The following ASH1L variants were observed in gnomAD, a reference collection of about 807,000 sequenced individuals.
The protein encoded by ASH1L is histone-lysine N-methyltransferase ASH1L.
In ASH1L, 23 loss-of-function variants were observed where a neutral mutation model predicts 269.0. The ratio of observed to expected loss-of-function variants is 0.09; its 90% CI spans 0.06 to 0.12. The LOEUF is 0.12. Among genes scored for constraint, ASH1L ranks in the 10% least tolerant of loss-of-function variants. The probability of loss-of-function intolerance (pLI) is 1.00; values close to 1 mark genes in which losing one functional copy is unlikely to be tolerated. For synonymous variants in ASH1L, 1,187 were observed against 1,253.5 expected (o/e 0.95, Z 1.12); for missense variants, 2,912 against 3,567.8 (o/e 0.82, Z 4.68).
Position 155,338,042 on chromosome 1 carries a change from A to T in ASH1L, c.8803+47T>A, listed in dbSNP as rs1336974992. 2.6e-6 allele frequency: 4 copies of T among 1,563,990 alleles called. No homozygotes were observed. In the African/African-American group the frequency reaches 4.1e-5, roughly 16 times the overall value. On this transcript the variant is annotated intron_variant, in intron 27 of 27. Transcript: ENST00000392403. ...TTACAATTTTTTTCCATTCCCTCTC[A>T]TTTCGCATTTATCTTAAACCCTAGA...
Position 155,479,253 on chromosome 1 carries a change from T to C in ASH1L, c.3617A>G (p.Asp1206Gly). 6.2e-7 allele frequency: 1 copy of C among 1,614,156 alleles called. No homozygotes were observed. The highest frequency in any genetic ancestry group is 8.5e-7 in the Non-Finnish European group (1 of 1,180,018). Reference protein sequence around the residue: ...TIPSDSGIGTDNNSTSDRAEK... With the variant: ...TIPSDSGIGTGNNSTSDRAEK... ...TGCCCTGTCTGATGTGCTGTTATTATCTGTTCCAATTCCACTATCACTGGG... is the reference window on the plus strand; with the variant it reads ...TGCCCTGTCTGATGTGCTGTTATTACCTGTTCCAATTCCACTATCACTGGG... Residue 1206 changes from aspartate to glycine, a missense_variant, in exon 3 of 28, where the codon GAT becomes GGT. By Grantham distance (94) the Asp-to-Gly change is moderately conservative. Transcript: ENST00000392403.
chr1:155,406,305 A>T (rs567113102), intron 6 of ASH1L, among the ~76,000 whole-genome samples: 5 of 152,020 alleles, frequency 3.3e-5, no homozygotes, highest in Non-Finnish European at 7.4e-5. Flanking sequence ...AGCTGATCCT[A>T]AAAAATCACA....
Position 155,335,855 on chromosome 1 carries a change from G to A in ASH1L, c.*1805C>T, listed in dbSNP as rs950033817. The A allele has an allele frequency of 6.6e-5, 10 of 151,330 alleles. No individual in the cohort carries two copies. Among genetic ancestry groups the A allele is most frequent in the East Asian group, 1.9e-4 (1 of 5,306 alleles). 9.4% of individuals were successfully genotyped at this position (151,330 alleles called of 1,614,324 possible). A position where few individuals can be genotyped will look rare whatever the true frequency, so the allele number is the denominator to read the frequency against. ...TCTTTCTTGTCATTTTCTCGCTTTT[G>A]ACTAAAAGGAGACCCCCAAAGTGCC... On this transcript the variant is annotated 3_prime_UTR_variant, in exon 28 of 28. Coordinates refer to ENST00000392403, the MANE Select transcript of ASH1L (RefSeq NM_018489.3).
At chr1:155,433,254 C>A (rs541252448) in intron 5 of ASH1L, 17 of 1,553,774 alleles carry the variant, frequency 1.1e-5, no homozygotes, top group Non-Finnish European at 1.5e-5. Context: ...CCAGGGGGGC[C>A]GGAGCCGGGC....
At chr1:155,392,979 C>T (rs929011419) in intron 7 of ASH1L, among the ~76,000 whole-genome samples, 5 of 151,998 alleles carry the variant, frequency 3.3e-5, no homozygotes, top group South Asian at 2.1e-4. Context: ...TGAGCCACCG[C>T]GTCCAGCCTT....
chr1:155,444,068 C>G (rs1662808158), intron 4 of ASH1L, among the ~76,000 whole-genome samples: 1 of 147,756 alleles, frequency 6.8e-6, no homozygotes, highest in Non-Finnish European at 1.5e-5. Context: ...ACTGCAACCT[C>G]TGCCTCCCGG....
chr1:155,348,305 T>A (rs1653547857), intron 19 of ASH1L, among the ~76,000 whole-genome samples: 1 of 152,160 alleles, frequency 6.6e-6, no homozygotes, highest in African/African-American at 2.4e-5. Flanking sequence ...TGGGTTTCAG[T>A]AGGAAGAATG....
chr1:155,479,357 A>C lies in ASH1L; in HGVS notation c.3513T>G (p.Pro1171=), dbSNP rs778166962. 1.4e-5 allele frequency: 22 copies of C among 1,614,048 alleles called. No homozygotes were observed. The highest frequency in any genetic ancestry group is 1.9e-5 in the Non-Finnish European group (22 of 1,180,040). ...LSPPTLLPNS[P]SHLSELTSLK... ...GAGATGTGAGTTCACTCAAGTGCGA[A>C]GGAGAATTTGGCAACAAAGTAGGAG... The change falls in exon 3 of 28, where the codon CCT becomes CCG. Residue 1171 remains proline, a synonymous_variant. Coordinates refer to ENST00000392403, the MANE Select transcript of ASH1L (RefSeq NM_018489.3).
At chr1:155,490,301 A>G (rs1157969229) in intron 2 of ASH1L, among the ~76,000 whole-genome samples, 1 of 151,876 alleles carries the variant, frequency 6.6e-6, no homozygotes, top group Non-Finnish European at 1.5e-5. Context: ...AGTATGTAAG[A>G]TGTCACAACC....
At position 155,370,627 on chromosome 1, in the gene ASH1L, T is replaced by C. The variant is rs762852457; in HGVS notation, c.6563A>G (p.His2188Arg). 3.7e-6 allele frequency: 6 copies of C among 1,614,218 alleles called. No homozygotes were observed. The highest frequency in any genetic ancestry group is 4.2e-6 in the Non-Finnish European group (5 of 1,180,040). The change falls in exon 12 of 28, where the codon CAT (histidine) becomes CGT (arginine). Residue 2188 changes from histidine to arginine, a missense_variant. Physicochemically the swap from His to Arg is conservative, Grantham distance 29. This residue lies in a region of ASH1L where 193 missense variants were observed against 311.6 expected (regional missense o/e 0.62). Coordinates refer to ENST00000392403, the MANE Select transcript of ASH1L (RefSeq NM_018489.3). ...CAGGCAGTAGTGGTCACTGTGATTA[T>C]GATACTGCTCAATCATCCTGTTCCT... ...EFRNRMIEQY[H>R]NHSDHYCLNL...
chr1:155,478,853 G>C lies in ASH1L; in HGVS notation c.4017C>G (p.His1339Gln). The change falls in exon 3 of 28, where the codon CAC becomes CAG. Residue 1339 changes from histidine to glutamine, a missense_variant. His to Gln is a conservative substitution (Grantham distance 24, BLOSUM62 0). This residue lies in a region of ASH1L where 789 missense variants were observed against 897.6 expected (regional missense o/e 0.88). Coordinates refer to ENST00000392403, the MANE Select transcript of ASH1L (RefSeq NM_018489.3). This position sits in a 1 kb window ranked among gnomAD's most constrained non-coding sequence, Gnocchi z 4.6. The stretch of plus-strand genomic sequence containing the variant: ...TTTTTAAGTCAGGTTTTCGAATGTA[G>C]TGCAAAGGGTCTAAGGGGAAAGAAG... ...THPSFPLDPL[H>Q]YIRKPDLKKK... The C allele has an allele frequency of 3.1e-6, 5 of 1,614,068 alleles. No homozygotes were observed. Among genetic ancestry groups the C allele is most frequent in the Non-Finnish European group, 3.4e-6 (4 of 1,179,998 alleles).
At chr1:155,493,692 A>AC (rs1449141398) in intron 2 of ASH1L, among the ~76,000 whole-genome samples, 2 of 151,952 alleles carry the variant, frequency 1.3e-5, no homozygotes, top group Non-Finnish European at 2.9e-5. Context: ...ACATGGTGAA[A>AC]CCCCATCTCT....
At chr1:155,365,923 T>C (rs1655381597) in intron 12 of ASH1L, among the ~76,000 whole-genome samples, 1 of 152,162 alleles carries the variant, frequency 6.6e-6, no homozygotes, top group Non-Finnish European at 1.5e-5. Flanking sequence ...TTACTAAAGA[T>C]GGATCTTCAT....
intron 7 of ASH1L, among the ~76,000 whole-genome samples, chr1:155,381,545 G>A (rs541243190): frequency 1.2e-4 from 18 of 149,916 alleles, no homozygotes; most frequent in African/African-American, 2.7e-4. Context: ...GCGAGACTCC[G>A]TCTCAAAAAA....
At position 155,343,558 on chromosome 1, in the gene ASH1L, C is replaced by A. The variant is rs1324238849; in HGVS notation, c.8120+46G>T. ...AGATCCTAGTGAACATTCAGCTCCA[C>A]TGGTACAGCACGGCTGGAAGAAAAG... is the stretch of plus-strand genomic sequence containing the variant. On this transcript the variant is annotated intron_variant, in intron 23 of 27. Coordinates refer to ENST00000392403, the MANE Select transcript of ASH1L (RefSeq NM_018489.3). The surrounding 1 kb of genome is among the most constrained non-coding windows in gnomAD (Gnocchi z 6.1). 6.2e-7 allele frequency: 1 copy of A among 1,612,402 alleles called. No individual in the cohort carries two copies. The highest frequency in any genetic ancestry group is 2.2e-5 in the East Asian group (1 of 44,874).
At chr1:155,562,050 A>C in intron 1 of ASH1L, 103 bp downstream of exon 1, 1 of 819,692 alleles carries the variant, frequency 1.2e-6, no homozygotes. Flanking sequence ...CTGCTCTCTC[A>C]GAGATCCAGG....
At chr1:155,418,249 T>C (rs1660379304) in intron 5 of ASH1L, among the ~76,000 whole-genome samples, 1 of 151,944 alleles carries the variant, frequency 6.6e-6, no homozygotes, top group Non-Finnish European at 1.5e-5. Context: ...AAAATACTAC[T>C]CTACAAGCAT....
At chr1:155,396,074 ACTATATTATT>A (rs1439497129) in intron 6 of ASH1L, 1 of 152,226 alleles carries the variant, frequency 6.6e-6, no homozygotes, top group Non-Finnish European at 1.5e-5. Context: ...ACATCTACTC[ACTATATTATT>A]CTATATTATT....
At chr1:155,446,885 G>T (rs1370644134) in intron 4 of ASH1L, among the ~76,000 whole-genome samples, 1 of 151,342 alleles carries the variant, frequency 6.6e-6, no homozygotes, top group East Asian at 1.9e-4. Flanking sequence ...TTACAGGCGT[G>T]AGCCACCGCG....
Sources: gnomAD v4.1 joint callset for allele counts (sites outside exome capture counted in the v4.1 genomes callset) on GRCh38, gnomAD v4.1.1 for gene constraint, gnomAD v4.1.1 regional missense constraint, Gnocchi (gnomAD v3.1) non-coding constraint, MANE v1.5 for transcripts, NCBI Gene and HGNC (gene_info 2026-07-23, HGNC 2026-07-21) for gene names.